The following GALNTL6 variants were observed in gnomAD, a reference collection of about 807,000 sequenced individuals.
The protein encoded by GALNTL6 is polypeptide N-acetylgalactosaminyltransferase-like 6.
GALNTL6 carries 46 observed loss-of-function variants against 73.7 expected under a neutral mutation model. The ratio of observed to expected loss-of-function variants is 0.62; its 90% CI spans 0.49 to 0.80. The LOEUF is 0.80. GALNTL6 is among the 30% of genes least tolerant of loss of function. The pLI, the probability that GALNTL6 is intolerant of heterozygous loss-of-function variation, is 0.00. For synonymous variants in GALNTL6, 259 were observed against 263.7 expected, an observed-to-expected ratio of 0.98 and a Z score of 0.17; for missense variants, 604 against 755.0, an observed-to-expected ratio of 0.80 and a Z score of 2.34.
intron 2 of GALNTL6, among the ~76,000 whole-genome samples, chr4:172,188,068 T>C (rs765445958): frequency 4.6e-5 from 7 of 152,202 alleles, no homozygotes; most frequent in Non-Finnish European, 7.3e-5. Context: ...TACATAATCA[T>C]TGAGATAAGT....
chr4:172,643,537 C>T (rs889560184), intron 5 of GALNTL6, among the ~76,000 whole-genome samples: 1 of 151,950 alleles, frequency 6.6e-6, no homozygotes, highest in South Asian at 2.1e-4. Flanking sequence ...ATTACCAGCA[C>T]ACCAGATGTC....
chr4:171,993,100 G>A (rs12505984), intron 2 of GALNTL6, among the ~76,000 whole-genome samples: 3,321 of 151,934 alleles, frequency 0.022, 256 homozygotes, highest in Admixed American at 0.13. Context: ...CAACAACACG[G>A]CATATTTAAT....
chr4:171,877,589 T>C (rs1736314436), intron 2 of GALNTL6, among the ~76,000 whole-genome samples: 3 of 151,568 alleles, frequency 2.0e-5, no homozygotes, highest in African/African-American at 7.3e-5. Context: ...CCTTCTTTCA[T>C]ACAGTAGGAG....
At chr4:172,954,236 A>G (rs1050413836) in intron 10 of GALNTL6, among the ~76,000 whole-genome samples, 3 of 152,186 alleles carry the variant, frequency 2.0e-5, no homozygotes, top group African/African-American at 7.2e-5. Context: ...CCATAACCTG[A>G]ATTTATAAGC....
At chr4:172,746,711 G>A (rs908146130) in intron 5 of GALNTL6, among the ~76,000 whole-genome samples, 30 of 151,984 alleles carry the variant, frequency 2.0e-4, no homozygotes, top group Admixed American at 1.9e-3. Flanking sequence ...TATAACAGAG[G>A]CCATATATGG....
rs1254632861 is a variant in GALNTL6, at chr4:172,952,232, G to C, written c.1345G>C (p.Glu449Gln). The part of the protein sequence containing the change: ...WDVPKYYPPV[E>Q]PPPAAWGEIR... The stretch of plus-strand genomic sequence containing the variant: ...CGTGCCTAAATACTACCCTCCAGTG[G>C]AGCCCCCGCCTGCTGCCTGGGGGGA... Residue 449 changes from glutamate (E) to glutamine (Q), a missense_variant, in exon 10 of 13, where the codon GAG becomes CAG. Physicochemically the swap from Glu to Gln is conservative, Grantham distance 29. Around this residue, in one of 5 missense-constraint regions of GALNTL6, gnomAD observed 261 missense variants for 296.5 expected, o/e 0.88. Transcript: ENST00000506823. 6.2e-7 allele frequency: 1 copy of C among 1,614,036 alleles called. No individual in the cohort carries two copies. The highest frequency in any genetic ancestry group is 2.2e-5 in the East Asian group (1 of 44,866).
intron 5 of GALNTL6, among the ~76,000 whole-genome samples, chr4:172,772,332 C>T (rs961991363): frequency 8.5e-5 from 13 of 152,088 alleles, no homozygotes; most frequent in Admixed American, 2.6e-4. Context: ...CTTCTCAGCA[C>T]GTTCAGAGCT....
At chr4:172,733,579 G>A (rs188041698) in intron 5 of GALNTL6, among the ~76,000 whole-genome samples, 11 of 152,294 alleles carry the variant, frequency 7.2e-5, no homozygotes, top group East Asian at 3.9e-4. Context: ...ATTGAATCAT[G>A]AGGGTGGGTT....
intron 2 of GALNTL6, among the ~76,000 whole-genome samples, chr4:172,134,722 C>A (rs1281486555): frequency 1.3e-5 from 2 of 152,124 alleles, no homozygotes; most frequent in Non-Finnish European, 2.9e-5. Flanking sequence ...ACGGTTGTAA[C>A]AAATAGCTAC....
At chr4:172,436,344 A>G (rs1054173559) in intron 5 of GALNTL6, among the ~76,000 whole-genome samples, 4 of 152,040 alleles carry the variant, frequency 2.6e-5, no homozygotes. Context: ...GAGATTTTTA[A>G]AACCATTCAG....
chr4:172,223,880 AT>A (rs1736766608), intron 2 of GALNTL6, among the ~76,000 whole-genome samples: 1 of 152,054 alleles, frequency 6.6e-6, no homozygotes, highest in African/African-American at 2.4e-5. Context: ...CAGTCCTCCC[AT>A]TGTGTTAGTT....
intron 5 of GALNTL6, among the ~76,000 whole-genome samples, chr4:172,397,095 T>C (rs1298065821): frequency 6.6e-6 from 1 of 152,132 alleles, no homozygotes; most frequent in African/African-American, 2.4e-5. Flanking sequence ...CCTAGGTATA[T>C]ATATATGTGT....
At chr4:172,576,978 G>T (rs957206018) in intron 5 of GALNTL6, among the ~76,000 whole-genome samples, 1 of 152,144 alleles carries the variant, frequency 6.6e-6, no homozygotes, top group East Asian at 1.9e-4. Flanking sequence ...AATATTCTGT[G>T]TCACAATCTG....
rs571112938 is a variant in GALNTL6, at chr4:173,020,350, GATAAT to G, written c.1489-1119_1489-1115del. On this transcript the variant is annotated intron_variant, in intron 11 of 12. Transcript: ENST00000506823. ...AGAATGGTATAATATGATAGAATGG[GATAAT>G]ATAATAGAATGGGATACATAATAGA... Among the ~76,000 whole-genome samples the G allele has an allele frequency of 1.4e-3, 207 of 152,274 alleles. 1 individual carries two copies. The highest frequency in any genetic ancestry group is 4.7e-3 in the African/African-American group (194 of 41,564).
At chr4:172,917,750 C>T (rs543540087) in intron 8 of GALNTL6, among the ~76,000 whole-genome samples, 1 of 152,274 alleles carries the variant, frequency 6.6e-6, no homozygotes, top group South Asian at 2.1e-4. Context: ...CAGGAAACAA[C>T]AGGTGCTGGA....
intron 5 of GALNTL6, among the ~76,000 whole-genome samples, chr4:172,498,692 T>C (rs1734157096): frequency 6.6e-6 from 1 of 152,174 alleles, no homozygotes; most frequent in Admixed American, 6.5e-5. Context: ...AATTACATTA[T>C]ATAAGGTTGT....
rs1741833967 is a variant in GALNTL6, at chr4:172,348,576, C to T, written c.440C>T (p.Pro147Leu). The T allele has an allele frequency of 6.2e-7, 1 of 1,611,328 alleles. No individual in the cohort carries two copies. The highest frequency in any genetic ancestry group is 1.3e-5 in the African/African-American group (1 of 74,842). ...ERLPNTSIII[P>L]FHNEGWTSLL... ...CTGCCAAACACCAGCATCATTATCC[C>T]ATTTCATAATGAAGGTTGGACTTCA... The change falls in exon 5 of 13, where the codon CCA becomes CTA. Residue 147 changes from proline to leucine, a missense_variant. By Grantham distance (98) the Pro-to-Leu change is moderately conservative (BLOSUM62 -3). Around this residue, in one of 5 missense-constraint regions of GALNTL6, gnomAD observed 9 missense variants for 30.3 expected, o/e 0.30. Coordinates refer to ENST00000506823, the MANE Select transcript of GALNTL6 (RefSeq NM_001034845.3).
intron 8 of GALNTL6, among the ~76,000 whole-genome samples, chr4:172,889,686 T>C (rs992134793): frequency 1.3e-5 from 2 of 152,198 alleles, no homozygotes; most frequent in African/African-American, 2.4e-5. Flanking sequence ...TTTGTGTCTA[T>C]GTTCATCAGA....
At chr4:172,645,204 G>A (rs981129936) in intron 5 of GALNTL6, among the ~76,000 whole-genome samples, 1 of 151,718 alleles carries the variant, frequency 6.6e-6, no homozygotes, top group Non-Finnish European at 1.5e-5. Flanking sequence ...ATTTAATAAA[G>A]GTGAATTTAT....
Sources: gnomAD v4.1 joint callset for allele counts (sites outside exome capture counted in the v4.1 genomes callset) on GRCh38, gnomAD v4.1.1 for gene constraint, gnomAD v4.1.1 regional missense constraint, MANE v1.5 for transcripts, NCBI Gene and HGNC (gene_info 2026-07-23, HGNC 2026-07-21) for gene names.